The following USH2A variants were observed in gnomAD, a reference collection of about 807,000 sequenced individuals.
USH2A encodes the protein Usher syndrome 2A (autosomal recessive, mild).
A neutral mutation model predicts 538.9 loss-of-function variants in USH2A; 443 were observed. The observed-to-expected ratio is 0.82, with a 90% CI of 0.76 to 0.89. USH2A has a LOEUF of 0.89. Ranked by LOEUF, USH2A falls within the 40% of genes least tolerant of loss-of-function variation. The probability of loss-of-function intolerance (pLI) is 0.00; values close to 1 mark genes in which losing one functional copy is unlikely to be tolerated. For missense variants in USH2A, 6,633 were observed against 6,324.8 expected (o/e 1.05, Z -1.65); for synonymous variants, 2,413 against 2,273.5 (o/e 1.06, Z -1.75).
At chr1:216,210,277 G>A (rs1245330234) in intron 15 of USH2A, among the ~76,000 whole-genome samples, 1 of 152,028 alleles carries the variant, frequency 6.6e-6, no homozygotes, top group Non-Finnish European at 1.5e-5. Context: ...ACAGCAAACT[G>A]TTCTCATGAA....
At chr1:216,331,088 T>C (rs1277761464) in intron 4 of USH2A, among the ~76,000 whole-genome samples, 1 of 152,072 alleles carries the variant, frequency 6.6e-6, no homozygotes, top group Non-Finnish European at 1.5e-5. Flanking sequence ...GAAGAAATTC[T>C]TCATAAAAAA....
intron 10 of USH2A, among the ~76,000 whole-genome samples, chr1:216,291,554 A>G (rs932922347): frequency 5.9e-5 from 9 of 152,182 alleles, no homozygotes; most frequent in Admixed American, 3.9e-4. Flanking sequence ...TTCATGCTTA[A>G]GAGTACCACT....
chr1:216,147,278 C>T (rs1280594631), intron 21 of USH2A, among the ~76,000 whole-genome samples: 2 of 152,106 alleles, frequency 1.3e-5, no homozygotes, highest in Non-Finnish European at 2.9e-5. Context: ...CTCTGCTCCT[C>T]CACCCTATAA....
At chr1:216,055,438 G>T (rs992140410) in intron 30 of USH2A, among the ~76,000 whole-genome samples, 2 of 152,182 alleles carry the variant, frequency 1.3e-5, no homozygotes, top group Admixed American at 6.5e-5. Flanking sequence ...TGAGGATCCC[G>T]CTGCAGTGCT....
At chr1:216,374,841 G>T (rs1336852408) in intron 3 of USH2A, among the ~76,000 whole-genome samples, 1 of 152,090 alleles carries the variant, frequency 6.6e-6, no homozygotes, top group South Asian at 2.1e-4. Context: ...AGATGTTCTA[G>T]GCTCATTTTG....
At chr1:216,036,055 T>C (rs1384834188) in intron 32 of USH2A, among the ~76,000 whole-genome samples, 1 of 152,142 alleles carries the variant, frequency 6.6e-6, no homozygotes, top group Non-Finnish European at 1.5e-5. Context: ...AGGTAGATCA[T>C]CAAATATACA....
At chr1:216,384,947 G>A (rs1452208300) in intron 3 of USH2A, among the ~76,000 whole-genome samples, 1 of 152,176 alleles carries the variant, frequency 6.6e-6, no homozygotes, top group Non-Finnish European at 1.5e-5. Context: ...AGGTGAAAAA[G>A]TGAAGCTTCA....
intron 58 of USH2A, among the ~76,000 whole-genome samples, chr1:215,753,042 C>G (rs1571650995): frequency 2.6e-5 from 4 of 152,070 alleles, no homozygotes; most frequent in South Asian, 2.1e-4. Context: ...TTTATGCAGC[C>G]AAAAGACACA....
intron 64 of USH2A, among the ~76,000 whole-genome samples, chr1:215,658,439 C>T (rs911993312): frequency 2.0e-5 from 3 of 151,980 alleles, no homozygotes; most frequent in Admixed American, 2.0e-4. Context: ...TATTATTATC[C>T]CCACTTTACA....
At chr1:216,273,367 C>A (rs12045821) in intron 11 of USH2A, among the ~76,000 whole-genome samples, 1 of 151,934 alleles carries the variant, frequency 6.6e-6, no homozygotes, top group Non-Finnish European at 1.5e-5. Flanking sequence ...CACACTTCCA[C>A]GGCAAGGCCC....
At position 215,758,536 on chromosome 1, in the gene USH2A, CTAAT is replaced by C. The variant is rs1660879779; in HGVS notation, c.11389+55_11389+58del. 2.6e-6 allele frequency: 4 copies of C among 1,560,272 alleles called. No homozygotes were observed. The East Asian group carries it at 9.0e-5, about 35-fold the overall frequency. On this transcript the variant is annotated intron_variant, in intron 58 of 71. Coordinates refer to ENST00000307340, the MANE Select transcript of USH2A (RefSeq NM_206933.4). ...TAAATTAACAGTTCTATTCTTATCTCTAATTAATTCCTTTAAAATGTTTACACAC... is the reference window on the plus strand; with the variant it reads ...TAAATTAACAGTTCTATTCTTATCTCTAATTCCTTTAAAATGTTTACACAC...
At chr1:215,855,337 TG>T (rs1406611517) in intron 44 of USH2A, among the ~76,000 whole-genome samples, 1 of 152,202 alleles carries the variant, frequency 6.6e-6, no homozygotes, top group Non-Finnish European at 1.5e-5. Flanking sequence ...TCAGTAGCAC[TG>T]TTATACACAA....
At chr1:216,124,012 A>C (rs531482556) in intron 21 of USH2A, among the ~76,000 whole-genome samples, 3 of 152,286 alleles carry the variant, frequency 2.0e-5, no homozygotes, top group Admixed American at 6.5e-5. Context: ...TCCTCTCAAT[A>C]GACTAGATTT....
chr1:215,979,535 T>C (rs1408369771), intron 35 of USH2A, among the ~76,000 whole-genome samples: 1 of 152,128 alleles, frequency 6.6e-6, no homozygotes, highest in Non-Finnish European at 1.5e-5. Flanking sequence ...ATGCAGGTAG[T>C]AACAGTGAGA....
intron 61 of USH2A, among the ~76,000 whole-genome samples, chr1:215,693,455 T>C (rs1658690573): frequency 6.6e-6 from 1 of 152,034 alleles, no homozygotes; most frequent in African/African-American, 2.4e-5. Flanking sequence ...TTACCTAGAG[T>C]CATACTGCTG....
intron 21 of USH2A, among the ~76,000 whole-genome samples, chr1:216,120,631 G>A (rs936077616): frequency 6.6e-6 from 1 of 151,796 alleles, no homozygotes; most frequent in Non-Finnish European, 1.5e-5. Context: ...CACCCGCCTC[G>A]GCCTCCCAAA....
chr1:215,950,432 C>T (rs1666883646), intron 37 of USH2A, among the ~76,000 whole-genome samples: 1 of 151,174 alleles, frequency 6.6e-6, no homozygotes, highest in African/African-American at 2.4e-5. Flanking sequence ...TATATGCAAA[C>T]ACATGAATAC....
chr1:215,833,736 CAAAT>C (rs1268233508), intron 47 of USH2A, among the ~76,000 whole-genome samples: 1 of 151,800 alleles, frequency 6.6e-6, no homozygotes, highest in African/African-American at 2.4e-5. Flanking sequence ...TAAAAACACA[CAAAT>C]AAGATAATTG....
At position 216,207,314 on chromosome 1, in the gene USH2A, T is replaced by A; in HGVS notation, c.3275A>T (p.Asp1092Val). The A allele has an allele frequency of 1.9e-6, 3 of 1,612,826 alleles. No homozygotes were observed. The highest frequency in any genetic ancestry group is 2.5e-6 in the Non-Finnish European group (3 of 1,179,538). ...CTCTGTTGTGTAGATTTCAAAACCA[T>A]CCCTGAGTAAACTGTAAGTAAGCCA... ...AHWLTYSLLR[D>V]GFEIYTTEDQ... Residue 1092 changes from aspartate to valine, a missense_variant, in exon 16 of 72, where the codon GAT becomes GTT. Transcript: ENST00000307340.
Sources: gnomAD v4.1 joint callset for allele counts (sites outside exome capture counted in the v4.1 genomes callset) on GRCh38, gnomAD v4.1.1 for gene constraint, MANE v1.5 for transcripts, NCBI Gene and HGNC (gene_info 2026-07-23, HGNC 2026-07-21) for gene names.